Variants in PLXNA2 observed in about 807,000 individuals in gnomAD.
PLXNA2 encodes plexin-A2.
Under a neutral mutation model 193.5 loss-of-function variants are expected in PLXNA2, and 91 were observed. The ratio of observed to expected loss-of-function variants is 0.47; its 90% CI spans 0.40 to 0.56. PLXNA2 has a LOEUF of 0.56. Ranked by LOEUF, PLXNA2 falls within the 20% of genes least tolerant of loss-of-function variation. The pLI, the probability that PLXNA2 is intolerant of heterozygous loss-of-function variation, is 0.00. For missense variants in PLXNA2, 1,995 were observed against 2,503.2 expected (o/e 0.80, Z 4.33); for synonymous variants, 997 against 1,027.3 (o/e 0.97, Z 0.56).
At chr1:208,242,827 C>T (rs1411389513) in intron 1 of PLXNA2, among the ~76,000 whole-genome samples, 1 of 152,118 alleles carries the variant, frequency 6.6e-6, no homozygotes, top group Non-Finnish European at 1.5e-5. Context: ...TAGAGACTAC[C>T]TGTGGGATGG....
rs754124889 is a variant in PLXNA2 at position 208,096,869 on chromosome 1, C to T, written c.1746G>A (p.Val582=). 3.8e-5 allele frequency: 62 copies of T among 1,613,600 alleles called. 1 individual carries two copies. In the South Asian group the frequency reaches 6.5e-4, roughly 17 times the overall value. The change falls in exon 7 of 32, where the codon GTG becomes GTA. Residue 582 remains valine (V), a synonymous_variant. Coordinates refer to ENST00000367033, the MANE Select transcript of PLXNA2 (RefSeq NM_025179.4). ...CCGCAGATAGATCAGGAGCATCACT[C>T]ACTACCAGGCTAAGCTGTGGGAGGA... ...SEHSRLLSLV[V]SDAPDLSAGI...
chr1:208,035,362 C>T (rs192662378), intron 26 of PLXNA2, among the ~76,000 whole-genome samples: 111 of 152,322 alleles, frequency 7.3e-4, no homozygotes, highest in Non-Finnish European at 1.2e-3. Flanking sequence ...TCCCTTTTGG[C>T]TCTGCTTTCT....
intron 1 of PLXNA2, among the ~76,000 whole-genome samples, chr1:208,239,904 G>A (rs190427241): frequency 6.6e-6 from 1 of 152,326 alleles, no homozygotes; most frequent in Non-Finnish European, 1.5e-5. Flanking sequence ...GCCTGGGGCT[G>A]TGGCAGGACA....
At chr1:208,154,483 C>T (rs951847079) in intron 3 of PLXNA2, among the ~76,000 whole-genome samples, 30 of 152,168 alleles carry the variant, frequency 2.0e-4, no homozygotes, top group African/African-American at 1.7e-4. Context: ...GCCACATCAT[C>T]GCACCCAAAA....
intron 3 of PLXNA2, among the ~76,000 whole-genome samples, chr1:208,169,732 A>G (rs1425793125): frequency 6.6e-6 from 1 of 152,214 alleles, no homozygotes; most frequent in African/African-American, 2.4e-5. Flanking sequence ...AAGATAACCA[A>G]TCTGAGAAAG....
At chr1:208,172,525 G>A (rs1349618533) in intron 3 of PLXNA2, among the ~76,000 whole-genome samples, 1 of 152,162 alleles carries the variant, frequency 6.6e-6, no homozygotes, top group Non-Finnish European at 1.5e-5. Flanking sequence ...ACAAGGGTCT[G>A]ACCTCAGCTC....
At chr1:208,145,732 A>T (rs1668583818) in intron 3 of PLXNA2, among the ~76,000 whole-genome samples, 1 of 152,170 alleles carries the variant, frequency 6.6e-6, no homozygotes. Flanking sequence ...TATTTTACTG[A>T]ATCAGAGACC....
At chr1:208,158,264 C>T (rs1183083417) in intron 3 of PLXNA2, among the ~76,000 whole-genome samples, 1 of 152,176 alleles carries the variant, frequency 6.6e-6, no homozygotes, top group Non-Finnish European at 1.5e-5. Context: ...CACCCACCTG[C>T]GTCTCTCTTT....
In PLXNA2 at chr1:208,102,383, C is replaced by T. The variant is rs1347467370; in HGVS notation, c.1607+764G>A. ...GAATTCCTAGCCAGCTCCTGTCTTTCGGGGTTTTCACCCTTTCTCTTCCCC... is the reference window on the plus strand; with the variant it reads ...GAATTCCTAGCCAGCTCCTGTCTTTTGGGGTTTTCACCCTTTCTCTTCCCC... On this transcript the variant is annotated intron_variant, in intron 5 of 31. Coordinates refer to ENST00000367033, the MANE Select transcript of PLXNA2 (RefSeq NM_025179.4). Among the ~76,000 whole-genome samples, 13 of 152,354 alleles carry T rather than the reference C, an allele frequency of 8.5e-5. No individual in the cohort carries two copies. The East Asian group carries it at 1.7e-3, about 20-fold the overall frequency.
At chr1:208,231,822 G>A (rs1004604616) in intron 1 of PLXNA2, among the ~76,000 whole-genome samples, 1 of 152,168 alleles carries the variant, frequency 6.6e-6, no homozygotes, top group African/African-American at 2.4e-5. Flanking sequence ...GGGGGGTCCT[G>A]GAGTTAAACA....
chr1:208,157,952 G>T (rs1668989738), intron 3 of PLXNA2, among the ~76,000 whole-genome samples: 1 of 152,200 alleles, frequency 6.6e-6, no homozygotes. Flanking sequence ...GAGCCCAGCG[G>T]AGTCCAAGCT....
intron 12 of PLXNA2, among the ~76,000 whole-genome samples, chr1:208,069,097 A>T (rs914182916): frequency 6.6e-6 from 1 of 152,206 alleles, no homozygotes; most frequent in Non-Finnish European, 1.5e-5. Context: ...AGTCCTGGCC[A>T]TGCACTTCTT....
At chr1:208,238,529 C>A (rs1391718022) in intron 1 of PLXNA2, among the ~76,000 whole-genome samples, 1 of 152,132 alleles carries the variant, frequency 6.6e-6, no homozygotes, top group East Asian at 1.9e-4. Flanking sequence ...CCCAATACTT[C>A]AATATTTTTC....
Position 208,044,677 on chromosome 1 carries a change from G to C in PLXNA2, c.3705C>G (p.Thr1235=). ...CCGCGATGCTGACGATGGCTGGCAG[G>C]GTCAGCAAGCTGTCTGAGATGACAC... The part of the protein sequence containing the change: ...SVSVISDSLL[T]LPAIVSIAAG... The change falls in exon 20 of 32, where the codon ACC becomes ACG. Residue 1235 remains threonine (T), a synonymous_variant. Coordinates refer to ENST00000367033, the MANE Select transcript of PLXNA2 (RefSeq NM_025179.4). This position sits in a 1 kb window ranked among gnomAD's most constrained non-coding sequence, Gnocchi z 4.9. 1.2e-6 allele frequency: 2 copies of C among 1,614,112 alleles called. No individual in the cohort carries two copies. The highest frequency in any genetic ancestry group is 1.7e-6 in the Non-Finnish European group (2 of 1,180,020).
At chr1:208,185,143 G>A (rs1429672919) in intron 3 of PLXNA2, among the ~76,000 whole-genome samples, 1 of 152,156 alleles carries the variant, frequency 6.6e-6, no homozygotes, top group Non-Finnish European at 1.5e-5. Flanking sequence ...TCCTTCTAAG[G>A]TGTCTTCTAG....
chr1:208,213,927 C>T lies in PLXNA2; in HGVS notation c.1188+2808G>A, dbSNP rs891516435. ...ACTAGCCCAGGCTTGTCCCTCTGCT[C>T]TGGAGCAGAGAAGAGTGTCATCTTC... On this transcript the variant is annotated intron_variant, in intron 2 of 31. Coordinates refer to ENST00000367033, the MANE Select transcript of PLXNA2 (RefSeq NM_025179.4). 3.3e-5 allele frequency among the ~76,000 whole-genome samples: 5 copies of T among 152,364 alleles called. No homozygotes were observed. In the South Asian group the frequency reaches 6.2e-4, roughly 19 times the overall value.
chr1:208,233,088 T>G (rs112496939), intron 1 of PLXNA2, among the ~76,000 whole-genome samples: 238 of 152,304 alleles, frequency 1.6e-3, no homozygotes, highest in African/African-American at 5.2e-3. Flanking sequence ...CTAAGTAGCC[T>G]TTTCCAGGCT....
At chr1:208,218,801 C>T (rs1405189871) in intron 1 of PLXNA2, among the ~76,000 whole-genome samples, 2 of 152,178 alleles carry the variant, frequency 1.3e-5, no homozygotes, top group Non-Finnish European at 2.9e-5. Context: ...AGGTGGACGC[C>T]CAGCTGCTGC....
chr1:208,175,274 C>T (rs575600232), intron 3 of PLXNA2, among the ~76,000 whole-genome samples: 48 of 152,256 alleles, frequency 3.2e-4, no homozygotes, highest in African/African-American at 1.1e-3. Context: ...AAGAACAAAG[C>T]GTGAGTCTTC....
Sources: allele counts gnomAD v4.1 joint callset (sites outside exome capture counted in the v4.1 genomes callset), GRCh38; gene constraint gnomAD v4.1.1; non-coding constraint Gnocchi (gnomAD v3.1); transcripts MANE v1.5; gene names NCBI Gene and HGNC (gene_info 2026-07-23, HGNC 2026-07-21).